Variants in ADARB2 observed in about 807,000 individuals in gnomAD.
ADARB2 encodes the protein inactive double-stranded RNA-specific editase B2.
In ADARB2, 25 loss-of-function variants were observed where a neutral mutation model predicts 62.2. The observed-to-expected ratio is 0.40, with a 90% CI of 0.29 to 0.56. The LOEUF (loss-of-function observed/expected upper bound fraction) is 0.56. Ranked by LOEUF, ADARB2 falls within the 20% of genes least tolerant of loss-of-function variation. The pLI, the probability that ADARB2 is intolerant of heterozygous loss-of-function variation, is 0.43. For synonymous variants in ADARB2, 572 were observed against 500.8 expected (o/e 1.14, Z -1.90); for missense variants, 1,071 against 1,077.4 (o/e 0.99, Z 0.08).
At chr10:1,359,276 A>G (rs1832226805) in intron 3 of ADARB2, among the ~76,000 whole-genome samples, 1 of 152,278 alleles carries the variant, frequency 6.6e-6, no homozygotes, top group South Asian at 2.1e-4. Flanking sequence ...ACTGGCCTGC[A>G]AACCCTCTGC....
chr10:1,513,458 C>T (rs886380537), intron 1 of ADARB2, among the ~76,000 whole-genome samples: 3 of 152,194 alleles, frequency 2.0e-5, no homozygotes, highest in South Asian at 2.1e-4. Context: ...GGCCGTCCTC[C>T]GTGGCTCAGG....
intron 3 of ADARB2, among the ~76,000 whole-genome samples, chr10:1,307,453 G>C (rs1458448598): frequency 1.5e-3 from 208 of 140,350 alleles, no homozygotes; most frequent in Middle Eastern, 0.011. Context: ...AGGATGTGGA[G>C]AAATAGGAAC....
chr10:1,355,534 G>T (rs11250455), intron 3 of ADARB2, among the ~76,000 whole-genome samples: 3,616 of 152,314 alleles, frequency 0.024, 147 homozygotes, highest in African/African-American at 0.082. Context: ...TAAGTGCCTG[G>T]GAAATATTAG....
intron 1 of ADARB2, among the ~76,000 whole-genome samples, chr10:1,520,715 A>C (rs1482574286): frequency 6.6e-6 from 1 of 152,208 alleles, no homozygotes; most frequent in Non-Finnish European, 1.5e-5. Context: ...TTCTGTGTGC[A>C]TTTTTGGCTA....
intron 2 of ADARB2, 107 bp from the exon 3 acceptor site, chr10:1,364,024 GC>G: frequency 1.5e-6 from 2 of 1,362,086 alleles, no homozygotes; most frequent in East Asian, 2.9e-5. Context: ...CGCCGCCCGC[GC>G]CCCCAGGTCA....
intron 7 of ADARB2, among the ~76,000 whole-genome samples, chr10:1,214,880 A>T (rs1589153832): frequency 6.6e-6 from 1 of 152,188 alleles, no homozygotes; most frequent in Non-Finnish European, 1.5e-5. Context: ...CATTAGGCTG[A>T]CCCTGTGGCT....
chr10:1,617,724 G>C (rs1588325759), intron 1 of ADARB2, among the ~76,000 whole-genome samples: 2 of 150,738 alleles, frequency 1.3e-5, no homozygotes, highest in African/African-American at 4.9e-5. Context: ...TGGCCTCAGA[G>C]GGTTGCATTC....
intron 1 of ADARB2, among the ~76,000 whole-genome samples, chr10:1,457,349 G>T (rs1315162305): frequency 2.6e-5 from 4 of 152,062 alleles, no homozygotes; most frequent in Non-Finnish European, 5.9e-5. Context: ...TTCCGAGTTC[G>T]CTGGGACAAG....
At chr10:1,332,216 C>CA in intron 3 of ADARB2, among the ~76,000 whole-genome samples, 1 of 152,246 alleles carries the variant, frequency 6.6e-6, no homozygotes, top group African/African-American at 2.4e-5. Flanking sequence ...GTGGCCTGGA[C>CA]AACATAATGA....
chr10:1,595,561 T>C (rs559339721), intron 1 of ADARB2, among the ~76,000 whole-genome samples: 21 of 152,198 alleles, frequency 1.4e-4, no homozygotes, highest in Non-Finnish European at 2.8e-4. Context: ...GGGCCGAGGC[T>C]CAGCTGTCAC....
chr10:1,295,215 G>A (rs1422012438), intron 3 of ADARB2, among the ~76,000 whole-genome samples: 1 of 152,162 alleles, frequency 6.6e-6, no homozygotes, highest in Admixed American at 6.5e-5. Flanking sequence ...CTGATTGATG[G>A]GGCCTGGGGA....
At chr10:1,336,333 A>G (rs913366954) in intron 3 of ADARB2, among the ~76,000 whole-genome samples, 6 of 152,316 alleles carry the variant, frequency 3.9e-5, no homozygotes, top group Admixed American at 6.5e-5. Flanking sequence ...CTGTTTCTTA[A>G]TAAATGTTAT....
intron 1 of ADARB2, among the ~76,000 whole-genome samples, chr10:1,699,610 G>A (rs61831988): frequency 1.8e-3 from 224 of 124,646 alleles, no homozygotes; most frequent in Admixed American, 2.1e-3. Flanking sequence ...GAGACCAGGC[G>A]CTCGCCAATA....
intron 1 of ADARB2, among the ~76,000 whole-genome samples, chr10:1,609,564 C>T (rs1390463501): frequency 1.3e-5 from 2 of 152,392 alleles, no homozygotes; most frequent in Admixed American, 1.3e-4. Context: ...TAAGCCAGGG[C>T]ATCAGCTGAC....
chr10:1,363,160 C>A lies in ADARB2; in HGVS notation c.945G>T (p.Arg315Ser), dbSNP rs770700995. The A allele has an allele frequency of 6.5e-7, 1 of 1,543,022 alleles. No homozygotes were observed. The highest frequency in any genetic ancestry group is 1.2e-5 in the South Asian group (1 of 84,950). The change falls in exon 3 of 10, where the codon AGG becomes AGT. Residue 315 changes from arginine (R) to serine (S), a missense_variant. Transcript: ENST00000381312. ...TGCTGCGCCCCGAGCCCTCGAACGT[C>A]CTGCCGTCCACGCTCACGGCCATCA... is the stretch of plus-strand genomic sequence containing the variant. ...SFVMAVSVDG[R>S]TFEGSGRSKK...
chr10:1,220,278 A>AATGGTGATGGTGGTGGTG (rs1830680915), intron 6 of ADARB2, among the ~76,000 whole-genome samples: 2 of 68,950 alleles, frequency 2.9e-5, no homozygotes, highest in African/African-American at 5.6e-5. Flanking sequence ...TGATGATGGT[A>AATGGTGATGGTGGTGGTG]ATGGTGATGG....
intron 4 of ADARB2, among the ~76,000 whole-genome samples, chr10:1,269,987 A>G (rs191691726): frequency 6.6e-6 from 1 of 152,314 alleles, no homozygotes; most frequent in East Asian, 1.9e-4. Flanking sequence ...AAGCAACTTT[A>G]CCTTTCAAAG....
intron 2 of ADARB2, among the ~76,000 whole-genome samples, chr10:1,365,817 T>A (rs2131852136): frequency 6.6e-6 from 1 of 152,336 alleles, no homozygotes; most frequent in African/African-American, 2.4e-5. Flanking sequence ...AGGTGTGCAC[T>A]GCAGCATGCT....
chr10:1,319,154 A>T (rs1368498060), intron 3 of ADARB2, among the ~76,000 whole-genome samples: 1 of 152,176 alleles, frequency 6.6e-6, no homozygotes, highest in Non-Finnish European at 1.5e-5. Context: ...TTAGGAACAG[A>T]CTTCCTTACA....
Sources: allele counts gnomAD v4.1 joint callset (sites outside exome capture counted in the v4.1 genomes callset), GRCh38; gene constraint gnomAD v4.1.1; transcripts MANE v1.5; gene names NCBI Gene and HGNC (gene_info 2026-07-23, HGNC 2026-07-21).